Variants in REPS2 observed in about 807,000 individuals in gnomAD.
The protein encoded by REPS2 is RALBP1 associated Eps domain containing 2.
A neutral mutation model predicts 53.6 loss-of-function variants in REPS2; 23 were observed. The ratio of observed to expected loss-of-function variants is 0.43; its 90% CI spans 0.31 to 0.61. The LOEUF is 0.61. Among genes scored for constraint, REPS2 ranks in the 20% least tolerant of loss-of-function variants. REPS2 has a pLI of 0.11. For synonymous variants in REPS2, 238 were observed against 218.6 expected, an observed-to-expected ratio of 1.09 and a Z score of -0.78; for missense variants, 446 against 534.9, an observed-to-expected ratio of 0.83 and a Z score of 1.64.
the REPS2 span, among the ~76,000 whole-genome samples, chrX:17,160,948 A>G: frequency 1.8e-5 from 2 of 112,186 alleles, no homozygotes; most frequent in African/African-American, 6.5e-5. Flanking sequence ...ATACATCCAC[A>G]GATGGAGAGG....
chrX:16,970,824 C>T (rs778217709), intron 1 of REPS2, among the ~76,000 whole-genome samples: 1 of 112,450 alleles, frequency 8.9e-6, no homozygotes, highest in East Asian at 2.8e-4. Context: ...AAATGTAGCA[C>T]GTATCAGCAC....
At chrX:17,065,260 A>G (rs1258201660) in intron 9 of REPS2, among the ~76,000 whole-genome samples, 2 of 112,176 alleles carry the variant, frequency 1.8e-5, no homozygotes, top group African/African-American at 6.5e-5. Flanking sequence ...GAGGGTTCCA[A>G]TTTTCCCACA....
intron 2 of REPS2, among the ~76,000 whole-genome samples, chrX:17,018,561 T>A (rs112998463): frequency 6.1e-4 from 66 of 107,559 alleles, no homozygotes; most frequent in African/African-American, 2.1e-3. Context: ...ACACAGTACC[T>A]GTCTTTTTGT....
rs768733696 is a variant in REPS2 at position 17,029,586 on chromosome X, G to A, written c.734G>A (p.Gly245Glu). ...QPEGSSSGGP[G>E]TKPLRHQASL... ...GAGGGATCCTCATCAGGGGGCCCAG[G>A]AACCAAGCCCCTTCGGCATCAGGCT... is the stretch of plus-strand genomic sequence containing the variant. The change falls in exon 5 of 18, where the codon GGA becomes GAA. Residue 245 changes from glycine (G) to glutamate (E), a missense_variant. Transcript: ENST00000357277. The A allele has an allele frequency of 2.2e-5, 26 of 1,209,030 alleles. No individual in the cohort carries two copies. In the East Asian group the frequency reaches 7.1e-4, roughly 33 times the overall value.
intron 1 of REPS2, among the ~76,000 whole-genome samples, chrX:16,963,306 T>G (rs192253544): frequency 1.8e-5 from 2 of 112,292 alleles, no homozygotes; most frequent in Admixed American, 1.9e-4. Context: ...TAAAGGCAAA[T>G]GCAAAGAAAT....
At chrX:16,949,296 C>T (rs2060478266) in intron 1 of REPS2, among the ~76,000 whole-genome samples, 1 of 112,297 alleles carries the variant, frequency 8.9e-6, no homozygotes. Flanking sequence ...ATGGTAACAA[C>T]CAGGTTTTCC....
intron 13 of REPS2, among the ~76,000 whole-genome samples, chrX:17,096,248 G>A (rs1483729989): frequency 9.0e-6 from 1 of 111,586 alleles, no homozygotes; most frequent in Non-Finnish European, 1.9e-5. Context: ...AAAGTTCCAA[G>A]GAATTTGAGT....
Position 16,990,877 on chromosome X carries a change from G to T in REPS2, c.274-15344G>T, listed in dbSNP as rs111511285. Reference sequence around the variant, plus strand: ...TAATTAAGAAAGTATTTAAGAAAAAGAACCCCAGGATCTAAAAAGATCAGA... The same window carrying T: ...TAATTAAGAAAGTATTTAAGAAAAATAACCCCAGGATCTAAAAAGATCAGA... On this transcript the variant is annotated intron_variant, in intron 1 of 17. Coordinates refer to ENST00000357277, the MANE Select transcript of REPS2 (RefSeq NM_004726.3). Among the ~76,000 whole-genome samples, 562 of 110,963 alleles carry T rather than the reference G, an allele frequency of 5.1e-3. 3 individuals are homozygous for T. Among genetic ancestry groups the T allele is most frequent in the African/African-American group, 0.018 (539 of 30,494 alleles).
intron 17 of REPS2, among the ~76,000 whole-genome samples, chrX:17,143,832 G>A (rs2063478241): frequency 9.0e-6 from 1 of 111,014 alleles, no homozygotes; most frequent in South Asian, 3.8e-4. Context: ...TGCAGAACTC[G>A]TTGTGATCTT....
intron 9 of REPS2, among the ~76,000 whole-genome samples, chrX:17,067,870 T>C (rs946550979): frequency 2.7e-5 from 3 of 112,045 alleles, no homozygotes; most frequent in African/African-American, 9.7e-5. Context: ...ATTTAATACA[T>C]GTGCCTTAAT....
At chrX:17,123,329 C>G (rs955069639) in intron 14 of REPS2, among the ~76,000 whole-genome samples, 1 of 112,492 alleles carries the variant, frequency 8.9e-6, no homozygotes, top group African/African-American at 3.2e-5. Flanking sequence ...ACTCAGATTT[C>G]TGTTCCATTA....
rs1436459064 is a variant in REPS2 at position 17,149,641 on chromosome X, G to A, written c.*2160G>A. On this transcript the variant is annotated 3_prime_UTR_variant, in exon 18 of 18. Coordinates refer to ENST00000357277, the MANE Select transcript of REPS2 (RefSeq NM_004726.3). ...TCTGATTGCAGACGTTTCACAGCATGTTTGGCTTTTGGTAAATTCAATCCA... is the reference window on the plus strand; with the variant it reads ...TCTGATTGCAGACGTTTCACAGCATATTTGGCTTTTGGTAAATTCAATCCA... 8.9e-6 allele frequency: 1 copy of A among 112,432 alleles called. No homozygotes were observed. The highest frequency in any genetic ancestry group is 2.8e-4 in the East Asian group (1 of 3,610). 9.3% of individuals were successfully genotyped at this position (112,432 alleles called of 1,213,427 possible).
chrX:17,099,988 C>G, intron 13 of REPS2: 1 of 1,158,428 alleles, frequency 8.6e-7, no homozygotes, highest in East Asian at 3.0e-5. Flanking sequence ...TGAGCAAAGC[C>G]TCGTGGCTTT....
chrX:17,133,886 A>T lies in REPS2; in HGVS notation c.1641A>T (p.Ala547=). ...TGAGCAGAGCCCCATCCCAGGCTGC[A>T]GAAAGTAGTCCAGCAAAGAAGGTAA... ...PQLSRAPSQA[A]ESSPAKKDVL... The change falls in exon 15 of 18, where the codon GCA becomes GCT. Residue 547 remains alanine (A), a synonymous_variant. Coordinates refer to ENST00000357277, the MANE Select transcript of REPS2 (RefSeq NM_004726.3). 1 of 1,210,973 alleles carries T rather than the reference A, an allele frequency of 8.3e-7. No individual in the cohort carries two copies. Among genetic ancestry groups the T allele is most frequent in the Non-Finnish European group, 1.1e-6 (1 of 894,594 alleles).
At chrX:17,170,651 T>C in the REPS2 span, among the ~76,000 whole-genome samples, 21,640 of 111,552 alleles carry the variant, frequency 0.19, 1,818 homozygotes, top group African/African-American at 0.32. Context: ...CACCATTTGG[T>C]TGCTTAGTTT....
At chrX:17,117,293 CTTTAAG>C (rs756264687) in intron 14 of REPS2, among the ~76,000 whole-genome samples, 1 of 111,729 alleles carries the variant, frequency 9.0e-6, no homozygotes, top group Non-Finnish European at 1.9e-5. Context: ...TATTATTATA[CTTTAAG>C]TTTTAGGGTA....
the REPS2 span, among the ~76,000 whole-genome samples, chrX:17,191,724 A>T: frequency 1.8e-5 from 2 of 112,765 alleles, no homozygotes; most frequent in Non-Finnish European, 3.7e-5. Context: ...ACTTGCAACA[A>T]CATGGATTAT....
At chrX:17,041,374 G>A (rs894225405) in intron 5 of REPS2, among the ~76,000 whole-genome samples, 12 of 111,754 alleles carry the variant, frequency 1.1e-4, no homozygotes, top group Middle Eastern at 4.6e-3. Context: ...CCACCTATCA[G>A]CACTGCCACC....
At chrX:17,165,030 T>TCCA in the REPS2 span, among the ~76,000 whole-genome samples, 2 of 105,157 alleles carry the variant, frequency 1.9e-5, no homozygotes, top group Non-Finnish European at 3.9e-5. Flanking sequence ...TCCTAGACAT[T>TCCA]CCACCACCAC....
Sources: gnomAD v4.1 joint callset for allele counts (sites outside exome capture counted in the v4.1 genomes callset) on GRCh38, gnomAD v4.1.1 for gene constraint, MANE v1.5 for transcripts, NCBI Gene and HGNC (gene_info 2026-07-23, HGNC 2026-07-21) for gene names.